Variants in KSR1 observed in about 807,000 individuals in gnomAD.
KSR1 encodes kinase suppressor of ras.
In KSR1, 35 loss-of-function variants were observed where a neutral mutation model predicts 92.9. The ratio of observed to expected loss-of-function variants is 0.38; its 90% CI spans 0.29 to 0.50. The LOEUF is 0.50. Ranked by LOEUF, KSR1 falls within the 20% of genes least tolerant of loss-of-function variation. The pLI is 0.94. For synonymous variants in KSR1, 467 were observed against 472.6 expected (o/e 0.99, Z 0.15); for missense variants, 972 against 1,158.5 (o/e 0.84, Z 2.34).
rs2074093940 is a variant in KSR1 at position 27,617,384 on chromosome 17, G to C, written c.2583G>C (p.Leu861=). 6.2e-7 allele frequency: 1 copy of C among 1,612,780 alleles called. No individual in the cohort carries two copies. Among genetic ancestry groups the C allele is most frequent in the African/African-American group, 1.3e-5 (1 of 74,856 alleles). The change falls in exon 19 of 21, where the codon CTG becomes CTC. Residue 861 remains leucine, a synonymous_variant. Transcript: ENST00000644974. ...LMDMLEKLPK[L]NRRLSHPGHF... is the part of the protein sequence containing the mutation. ...ACATGCTGGAGAAACTTCCCAAGCTGAACCGGCGGCTCTCCCACCCTGGAC... is the reference window on the plus strand; with the variant it reads ...ACATGCTGGAGAAACTTCCCAAGCTCAACCGGCGGCTCTCCCACCCTGGAC...
intron 2 of KSR1, among the ~76,000 whole-genome samples, chr17:27,560,080 AG>A (rs1481043838): frequency 6.6e-6 from 1 of 152,160 alleles, no homozygotes; most frequent in Non-Finnish European, 1.5e-5. Flanking sequence ...GGAGGGTGGA[AG>A]GGTCGGGGAT....
chr17:27,582,445 C>T (rs959467343), intron 3 of KSR1, among the ~76,000 whole-genome samples: 7 of 152,208 alleles, frequency 4.6e-5, no homozygotes, highest in Non-Finnish European at 8.8e-5. Flanking sequence ...GTATCTGCGC[C>T]GAGGGCCTCA....
At chr17:27,477,016 A>G (rs187912897) in intron 1 of KSR1, among the ~76,000 whole-genome samples, 2 of 152,344 alleles carry the variant, frequency 1.3e-5, no homozygotes, top group East Asian at 3.9e-4. Flanking sequence ...TTTCTTGGTG[A>G]TATGCTAAAT....
intron 19 of KSR1, 162 bp downstream of exon 19, chr17:27,617,590 C>T (rs4324180): frequency 0.11 from 81,867 of 762,248 alleles, 5,523 homozygotes; most frequent in South Asian, 0.26. Flanking sequence ...TGCAGTGGCA[C>T]GATCTCAGCT....
chr17:27,505,918 G>C (rs1300720268), intron 1 of KSR1, among the ~76,000 whole-genome samples: 2 of 152,120 alleles, frequency 1.3e-5, no homozygotes, highest in Non-Finnish European at 2.9e-5. Context: ...GGGAGCATGG[G>C]GCATCAGACC....
chr17:27,622,746 G>C (rs913350582), intron 20 of KSR1: 2 of 160,916 alleles, frequency 1.2e-5, no homozygotes, highest in Non-Finnish European at 2.7e-5. Flanking sequence ...GTCAGCATTT[G>C]TCAAGAGCAT....
At chr17:27,610,903 G>T (rs1339599261) in intron 17 of KSR1, among the ~76,000 whole-genome samples, 2 of 152,096 alleles carry the variant, frequency 1.3e-5, no homozygotes, top group Non-Finnish European at 2.9e-5. Flanking sequence ...CCCCCCTGTG[G>T]CAAGAGGCTC....
In KSR1 at chr17:27,623,293, TG is replaced by T; in HGVS notation, c.2709-20del. On this transcript the variant is annotated intron_variant, in intron 20 of 20. Coordinates refer to ENST00000644974, the MANE Select transcript of KSR1 (RefSeq NM_001394583.1). ...TGAAGATCAATGGGGCTATAATTCT[TG>T]TTTTTGTTCCTCTTTGCAGCATTAA... is the stretch of plus-strand genomic sequence containing the variant. 1 of 762,234 alleles carries T rather than the reference TG, an allele frequency of 1.3e-6. No individual in the cohort carries two copies. Among genetic ancestry groups the T allele is most frequent in the Non-Finnish European group, 2.4e-6 (1 of 416,446 alleles). 47.2% of individuals were successfully genotyped at this position (762,234 alleles called of 1,614,324 possible).
At chr17:27,488,771 C>T (rs1486124829) in intron 1 of KSR1, among the ~76,000 whole-genome samples, 1 of 152,238 alleles carries the variant, frequency 6.6e-6, no homozygotes, top group Admixed American at 6.5e-5. Flanking sequence ...CGAGACCATT[C>T]TGGCCAACAT....
chr17:27,457,989 TC>T (rs1429388456), intron 1 of KSR1, among the ~76,000 whole-genome samples: 15 of 144,218 alleles, frequency 1.0e-4, no homozygotes, highest in Admixed American at 8.9e-4. Context: ...ACAAGACCAA[TC>T]CTTCCTCCAG....
Position 27,597,278 on chromosome 17 carries a change from C to T in KSR1, c.1310C>T (p.Pro437Leu), listed in dbSNP as rs375808959. Residue 437 changes from proline (P) to leucine (L), a missense_variant, in exon 10 of 21, where the codon CCG (proline) becomes CTG (leucine). Transcript: ENST00000644974. The stretch of plus-strand genomic sequence containing the variant: ...TCTCTGGTCCTGCAGGAGCACCCTC[C>T]GGCCATGAATCACCTGGACTCCAGC... The part of the protein sequence containing the change: ...PKALTKKEHP[P>L]AMNHLDSSSN... 52 of 1,589,758 alleles carry T rather than the reference C, an allele frequency of 3.3e-5. No individual in the cohort carries two copies. In the African/African-American group the frequency reaches 3.5e-4, roughly 11 times the overall value.
intron 2 of KSR1, among the ~76,000 whole-genome samples, chr17:27,569,046 G>A (rs1181256577): frequency 6.6e-6 from 1 of 152,166 alleles, no homozygotes; most frequent in Non-Finnish European, 1.5e-5. Context: ...CCTTTTGAAT[G>A]TTCTTTAAAC....
At chr17:27,582,097 T>C (rs2151166808) in intron 3 of KSR1, among the ~76,000 whole-genome samples, 1 of 152,244 alleles carries the variant, frequency 6.6e-6, no homozygotes, top group African/African-American at 2.4e-5. Context: ...CACCCCACTT[T>C]TGGGGTGGGT....
chr17:27,544,110 C>T (rs947387950), intron 1 of KSR1, among the ~76,000 whole-genome samples: 1 of 152,186 alleles, frequency 6.6e-6, no homozygotes, highest in Admixed American at 6.5e-5. Flanking sequence ...CTCATGTAAG[C>T]CTTCACAACA....
At chr17:27,617,267 A>G in intron 18 of KSR1, 28 bp from the exon 19 acceptor site, 1 of 1,588,200 alleles carries the variant, frequency 6.3e-7, no homozygotes, top group Non-Finnish European at 8.6e-7. Context: ...GCCAGCTCAC[A>G]CACCACTAAT....
intron 1 of KSR1, among the ~76,000 whole-genome samples, chr17:27,513,947 G>C (rs2069695222): frequency 6.6e-6 from 1 of 152,206 alleles, no homozygotes; most frequent in South Asian, 2.1e-4. Flanking sequence ...CCAGCATATT[G>C]AGTGGAGAAT....
chr17:27,598,955 A>G (rs1314230671), intron 10 of KSR1, among the ~76,000 whole-genome samples: 2 of 152,122 alleles, frequency 1.3e-5, no homozygotes, highest in African/African-American at 4.8e-5. Context: ...GGGGCATTGC[A>G]CTTGAACTTC....
chr17:27,545,652 C>T lies in KSR1; in HGVS notation c.232-4916C>T, dbSNP rs529289202. Among the ~76,000 whole-genome samples the T allele has an allele frequency of 7.9e-5, 12 of 152,304 alleles. No individual in the cohort carries two copies. The South Asian group carries it at 1.9e-3, about 24-fold the overall frequency. The stretch of plus-strand genomic sequence containing the variant: ...CAGCCTGAAGAGGGAAGCAGACAAG[C>T]GTGAAAAATCAGAACTGCGATATGT... On this transcript the variant is annotated intron_variant, in intron 1 of 20. Transcript: ENST00000644974.
chr17:27,526,743 G>A (rs1240833187), intron 1 of KSR1: 5 of 1,240,226 alleles, frequency 4.0e-6, no homozygotes, highest in Non-Finnish European at 5.8e-6. Context: ...GTTGGAAAAC[G>A]TATGAACTCT....
Sources: allele counts gnomAD v4.1 joint callset (sites outside exome capture counted in the v4.1 genomes callset), GRCh38; gene constraint gnomAD v4.1.1; transcripts MANE v1.5; gene names NCBI Gene and HGNC (gene_info 2026-07-23, HGNC 2026-07-21).